Variants in IBA57 observed in about 807,000 individuals in gnomAD.
IBA57 encodes the protein iron-sulfur cluster assembly factor IBA57, mitochondrial.
A neutral mutation model predicts 20.4 loss-of-function variants in IBA57; 20 were observed. The ratio of observed to expected loss-of-function variants is 0.98; its 90% CI spans 0.69 to 1.42. IBA57 has a LOEUF of 1.42. IBA57 is among the 40% of genes most tolerant of loss of function. The pLI is 0.00. For missense variants in IBA57, 608 were observed against 499.3 expected (o/e 1.22, Z -2.07); for synonymous variants, 310 against 233.9 (o/e 1.33, Z -2.97).
intron 1 of IBA57, among the ~76,000 whole-genome samples, chr1:228,174,227 G>GCGTGTGGTGACC (rs1414136374): frequency 0.015 from 14 of 934 alleles, no homozygotes; most frequent in Non-Finnish European, 0.028. Flanking sequence ...GTGGCTCGCT[G>GCGTGTGGTGACC]TGGGCGTGGC....
intron 1 of IBA57, among the ~76,000 whole-genome samples, chr1:228,167,840 G>C (rs1018765773): frequency 6.6e-5 from 10 of 152,304 alleles, no homozygotes; most frequent in African/African-American, 2.4e-4. Context: ...ATTCTGTCTA[G>C]CTGCTTTAAT....
Position 228,165,827 on chromosome 1 carries a change from C to T in IBA57, c.11C>T (p.Ala4Val), listed in dbSNP as rs199781237. MAT[A>V]ALLRGATPGR... ...CCACTCTTGTCCAAGATGGCGACCG[C>T]GGCGCTGCTTCGAGGCGCCACTCCG... Residue 4 changes from alanine to valine, a missense_variant, in exon 1 of 3, where the codon GCG (alanine) becomes GTG (valine). Ala to Val is a moderately conservative substitution (Grantham distance 64, BLOSUM62 0). Coordinates refer to ENST00000366711, the MANE Select transcript of IBA57 (RefSeq NM_001010867.4). 1,592 of 1,301,404 alleles carry T rather than the reference C, an allele frequency of 1.2e-3. 1 individual carries two copies. Among genetic ancestry groups the T allele is most frequent in the Non-Finnish European group, 1.5e-3 (1,503 of 1,029,608 alleles). 80.6% of individuals were successfully genotyped at this position (1,301,404 alleles called of 1,614,324 possible).
In IBA57 at chr1:228,174,138, T is replaced by C. The variant is rs888921641; in HGVS notation, c.342-554T>C. Among the ~76,000 whole-genome samples the C allele has an allele frequency of 1.0e-3, 155 of 148,596 alleles. 13 individuals are homozygous for C. The highest frequency in any genetic ancestry group is 3.7e-3 in the African/African-American group (148 of 40,076). ...CTGTGGGCGTGGCTCGCTGTGGGCG[T>C]GGCTCGCTGTGGGCGTGGCTCGCTG... On this transcript the variant is annotated intron_variant, in intron 1 of 2. Coordinates refer to ENST00000366711, the MANE Select transcript of IBA57 (RefSeq NM_001010867.4).
Position 228,175,947 on chromosome 1 carries a change from G to A in IBA57, c.*434G>A, listed in dbSNP as rs1174023976. The A allele has an allele frequency of 1.8e-5, 3 of 167,856 alleles. No homozygotes were observed. Among genetic ancestry groups the A allele is most frequent in the African/African-American group, 4.8e-5 (2 of 41,790 alleles). The allele number at this position is 167,856 out of a possible 1,614,324, so 10.4% of individuals were successfully genotyped here. ...GTCCAGGGTCTGCAGGCTGGGGCTC[G>A]GGCTTTGGGAGTTGTTTCACTGTGC... is the stretch of plus-strand genomic sequence containing the variant. On this transcript the variant is annotated 3_prime_UTR_variant, in exon 3 of 3. Transcript: ENST00000366711.
intron 1 of IBA57, among the ~76,000 whole-genome samples, chr1:228,168,114 C>T (rs1486115966): frequency 6.6e-6 from 1 of 152,178 alleles, no homozygotes; most frequent in Non-Finnish European, 1.5e-5. Context: ...CTCTGCCACC[C>T]TGAGACGGCA....
chr1:228,172,238 G>A (rs1016841871), intron 1 of IBA57: 1 of 152,046 alleles, frequency 6.6e-6, no homozygotes, highest in Non-Finnish European at 1.5e-5. Context: ...TGGGGTCTCT[G>A]GATTTGTGTG....
chr1:228,174,603 CT>C (rs1378871286), intron 1 of IBA57, 88 bp from the exon 2 acceptor site: 14 of 1,268,386 alleles, frequency 1.1e-5, no homozygotes, highest in Admixed American at 2.8e-5. Flanking sequence ...GTGTGCTCCT[CT>C]GCCCGGGTAA....
chr1:228,167,228 G>A (rs2034865592), intron 1 of IBA57, among the ~76,000 whole-genome samples: 1 of 152,120 alleles, frequency 6.6e-6, no homozygotes, highest in African/African-American at 2.4e-5. Context: ...GGCACTTAGT[G>A]GGCTCTTTAA....
At position 228,168,138 on chromosome 1, in the gene IBA57, T is replaced by C. The variant is rs2034877393; in HGVS notation, c.341+1981T>C. Among the ~76,000 whole-genome samples the C allele has an allele frequency of 2.6e-5, 4 of 152,198 alleles. No homozygotes were observed. The South Asian group carries it at 8.3e-4, about 32-fold the overall frequency. On this transcript the variant is annotated intron_variant, in intron 1 of 2. Transcript: ENST00000366711. ...CCTGAGACGGCAAGACCAACCCTTC[T>C]TCTCCTTCCTCCTCCTCAGCCTACT...
chr1:228,169,733 T>G (rs2034898665), intron 1 of IBA57, among the ~76,000 whole-genome samples: 1 of 152,214 alleles, frequency 6.6e-6, no homozygotes, highest in African/African-American at 2.4e-5. Flanking sequence ...CACTGATGTT[T>G]TCAGTGTCTC....
At chr1:228,166,459 A>T (rs916577062) in intron 1 of IBA57, among the ~76,000 whole-genome samples, 2 of 152,154 alleles carry the variant, frequency 1.3e-5, no homozygotes, top group African/African-American at 2.4e-5. Context: ...TCAGCGACTC[A>T]TCCAGGGGAG....
rs1210237100 is a variant in IBA57 at position 228,174,967 on chromosome 1, C to A, written c.617C>A (p.Ala206Asp). 10 of 1,562,102 alleles carry A rather than the reference C, an allele frequency of 6.4e-6. No homozygotes were observed. Among genetic ancestry groups the A allele is most frequent in the Admixed American group, 1.8e-5 (1 of 55,578 alleles). ...WRLLTQDEGP[A>D]LVPGGRLGDL... ...CTCCTCACCCAGGATGAAGGCCCAG[C>A]CCTGGTGCCCGGGGGCCGGCTCGGG... Residue 206 changes from alanine (A) to aspartate (D), a missense_variant, in exon 2 of 3, where the codon GCC (alanine) becomes GAC (aspartate). By Grantham distance (126) the Ala-to-Asp change is moderately radical. Transcript: ENST00000366711.
chr1:228,175,483 G>T lies in IBA57; in HGVS notation c.1041G>T (p.Val347=), dbSNP rs1210258017. 1.3e-6 allele frequency: 2 copies of T among 1,589,224 alleles called. No individual in the cohort carries two copies. Among genetic ancestry groups the T allele is most frequent in the Admixed American group, 3.4e-5 (2 of 58,098 alleles). The change falls in exon 3 of 3, where the codon GTG becomes GTT. Residue 347 remains valine, a synonymous_variant. Coordinates refer to ENST00000366711, the MANE Select transcript of IBA57 (RefSeq NM_001010867.4). Reference sequence around the variant, plus strand: ...CCCAGGTGGCCTTAGCCGCATCTGTGCCAGACTGGTGGCCTACAGTCTCCA... The same window carrying T: ...CCCAGGTGGCCTTAGCCGCATCTGTTCCAGACTGGTGGCCTACAGTCTCCA... ...EGAQVALAAS[V]PDWWPTVSK is the part of the protein sequence containing the mutation.
Position 228,174,896 on chromosome 1 carries a change from C to T in IBA57, c.546C>T (p.Ala182=), listed in dbSNP as rs759870704. The change falls in exon 2 of 3, where the codon GCC becomes GCT. Residue 182 remains alanine (A), a synonymous_variant. Transcript: ENST00000366711. ...CGCTGCAGGAGAGGGCAGGGGCTGCCGCCATCCTCATCCGCGACCCGCGAA... is the reference window on the plus strand; with the variant it reads ...CGCTGCAGGAGAGGGCAGGGGCTGCTGCCATCCTCATCCGCGACCCGCGAA... ...AASLQERAGA[A]AILIRDPRTA... 32 of 1,603,958 alleles carry T rather than the reference C, an allele frequency of 2.0e-5. No homozygotes were observed. The highest frequency in any genetic ancestry group is 9.0e-5 in the East Asian group (4 of 44,632).
rs1481147113 is a variant in IBA57 at position 228,179,436 on chromosome 1, AAGAC to A, written c.*3927_*3930del. On this transcript the variant is annotated 3_prime_UTR_variant, in exon 3 of 3. Coordinates refer to ENST00000366711, the MANE Select transcript of IBA57 (RefSeq NM_001010867.4). Reference sequence around the variant, plus strand: ...GAAATGACCCAAAGTGCAGCACAGAAAGACAGAGCTGGAAAATATGAGATGGGAT... The same window carrying A: ...GAAATGACCCAAAGTGCAGCACAGAAAGAGCTGGAAAATATGAGATGGGAT... The A allele has an allele frequency of 6.6e-6, 1 of 152,248 alleles. No homozygotes were observed. The highest frequency in any genetic ancestry group is 1.5e-5 in the Non-Finnish European group (1 of 68,038). 9.4% of individuals were successfully genotyped at this position (152,248 alleles called of 1,614,324 possible).
intron 1 of IBA57, chr1:228,172,851 G>C (rs532182812): frequency 6.6e-6 from 1 of 152,438 alleles, no homozygotes; most frequent in South Asian, 2.1e-4. Context: ...CCCTGGTGGC[G>C]TGGTGACCTT....
At position 228,175,513 on chromosome 1, in the gene IBA57, G is replaced by C; in HGVS notation, c.1071G>C (p.Ter357TyrextTer9). The change falls in exon 3 of 3, where the codon TAG (stop) becomes TAC (tyrosine). Residue 357 changes from the stop codon to tyrosine, a stop_lost. Coordinates refer to ENST00000366711, the MANE Select transcript of IBA57 (RefSeq NM_001010867.4). ...VPDWWPTVSK[*>Y] ...ACTGGTGGCCTACAGTCTCCAAGTA[G>C]TCCGAAGCCTTGGCTGGCGCAGGCT... The C allele has an allele frequency of 6.4e-7, 1 of 1,553,968 alleles. No individual in the cohort carries two copies. The highest frequency in any genetic ancestry group is 8.7e-7 in the Non-Finnish European group (1 of 1,148,358).
rs2034840124 is a variant in IBA57, at chr1:228,165,856, C to T, written c.40C>T (p.Arg14Cys). Residue 14 changes from arginine to cysteine, a missense_variant, in exon 1 of 3, where the codon CGC becomes TGC. Coordinates refer to ENST00000366711, the MANE Select transcript of IBA57 (RefSeq NM_001010867.4). ...GCTGCTTCGAGGCGCCACTCCGGGG[C>T]GCGGCGGCCCGGTCTGGCGCTGGCG... ...AALLRGATPGRGGPVWRWRLR... is the reference protein window; with the variant it reads ...AALLRGATPGCGGPVWRWRLR... 2 of 1,307,430 alleles carry T rather than the reference C, an allele frequency of 1.5e-6. No individual in the cohort carries two copies. The highest frequency in any genetic ancestry group is 3.1e-5 in the East Asian group (1 of 31,950). 81.0% of individuals were successfully genotyped at this position (1,307,430 alleles called of 1,614,324 possible). A position where few individuals can be genotyped will look rare whatever the true frequency, so the allele number is the denominator to read the frequency against.
chr1:228,177,125 G>A lies in IBA57; in HGVS notation c.*1612G>A, dbSNP rs948374004. The A allele has an allele frequency of 3.9e-5, 6 of 152,310 alleles. No individual in the cohort carries two copies. Among genetic ancestry groups the A allele is most frequent in the African/African-American group, 9.6e-5 (4 of 41,470 alleles). The allele number at this position is 152,310 out of a possible 1,614,324, so 9.4% of individuals were successfully genotyped here. A position where few individuals can be genotyped will look rare whatever the true frequency, so the allele number is the denominator to read the frequency against. Reference sequence around the variant, plus strand: ...AGTTTTCTCTCCAGCTCAGCCAGGAGTGGGTGCCTGTGGCCTGTGTCACCA... The same window carrying A: ...AGTTTTCTCTCCAGCTCAGCCAGGAATGGGTGCCTGTGGCCTGTGTCACCA... On this transcript the variant is annotated 3_prime_UTR_variant, in exon 3 of 3. Transcript: ENST00000366711.
Sources: allele counts gnomAD v4.1 joint callset (sites outside exome capture counted in the v4.1 genomes callset), GRCh38; gene constraint gnomAD v4.1.1; transcripts MANE v1.5; gene names NCBI Gene and HGNC (gene_info 2026-07-23, HGNC 2026-07-21).